The following ARL15 variants were observed in gnomAD, a reference collection of about 807,000 sequenced individuals.
The protein encoded by ARL15 is ADP-ribosylation factor-like protein 15.
A neutral mutation model predicts 25.2 loss-of-function variants in ARL15; 19 were observed. The ratio of observed to expected loss-of-function variants is 0.75; its 90% CI spans 0.53 to 1.10. The LOEUF is 1.10. Ranked by LOEUF, ARL15 falls within the 50% of genes least tolerant of loss-of-function variation. The probability of loss-of-function intolerance (pLI) is 0.00; values close to 1 mark genes in which losing one functional copy is unlikely to be tolerated. For synonymous variants in ARL15, 94 were observed against 86.8 expected, an observed-to-expected ratio of 1.08 and a Z score of -0.46; for missense variants, 220 against 246.0, an observed-to-expected ratio of 0.89 and a Z score of 0.71.
intron 4 of ARL15, among the ~76,000 whole-genome samples, chr5:53,930,661 G>A (rs941406308): frequency 8.6e-5 from 13 of 151,828 alleles, no homozygotes; most frequent in African/African-American, 3.1e-4. Flanking sequence ...GTCGATTCAC[G>A]CACATGCTGA....
chr5:53,907,485 T>TAC (rs1745300930), intron 4 of ARL15, among the ~76,000 whole-genome samples: 5 of 32,460 alleles, frequency 1.5e-4, no homozygotes, highest in African/African-American at 7.3e-4. Context: ...TATATATATA[T>TAC]ATATTTTTTT....
chr5:54,073,075 C>T (rs932243106), intron 4 of ARL15, among the ~76,000 whole-genome samples: 2 of 152,138 alleles, frequency 1.3e-5, no homozygotes, highest in African/African-American at 2.4e-5. Flanking sequence ...GTTATCAAGT[C>T]AGTGATATTT....
chr5:54,007,757 C>T (rs758426356), intron 4 of ARL15, among the ~76,000 whole-genome samples: 9 of 152,178 alleles, frequency 5.9e-5, no homozygotes, highest in Non-Finnish European at 1.2e-4. Flanking sequence ...TCCTTATAGA[C>T]CTTCTTTTTG....
chr5:54,005,597 C>T (rs541261702), intron 4 of ARL15, among the ~76,000 whole-genome samples: 119 of 152,122 alleles, frequency 7.8e-4, no homozygotes, highest in Middle Eastern at 6.8e-3. Flanking sequence ...GGCGCGGTAG[C>T]TCACGCCTGT....
intron 1 of ARL15, among the ~76,000 whole-genome samples, chr5:54,202,121 C>T (rs1490656559): frequency 6.6e-6 from 1 of 152,080 alleles, no homozygotes; most frequent in Non-Finnish European, 1.5e-5. Flanking sequence ...TAACTTATTT[C>T]TTAGGCAAGT....
At chr5:54,160,832 G>A (rs1754382044) in intron 2 of ARL15, among the ~76,000 whole-genome samples, 1 of 152,112 alleles carries the variant, frequency 6.6e-6, no homozygotes, top group Admixed American at 6.5e-5. Context: ...CTTCTCATAT[G>A]TTTTCATTTT....
At chr5:54,228,890 T>G (rs1756595688) in intron 1 of ARL15, among the ~76,000 whole-genome samples, 1 of 152,206 alleles carries the variant, frequency 6.6e-6, no homozygotes, top group African/African-American at 2.4e-5. Context: ...AGTATTACTT[T>G]AAAAGCACCA....
At chr5:54,187,777 G>A (rs549212440) in intron 1 of ARL15, among the ~76,000 whole-genome samples, 5 of 152,334 alleles carry the variant, frequency 3.3e-5, no homozygotes, top group African/African-American at 7.2e-5. Context: ...ATGCCTGGCA[G>A]TTCTTATGTT....
At chr5:54,261,180 C>A (rs1483188323) in intron 1 of ARL15, among the ~76,000 whole-genome samples, 1 of 152,158 alleles carries the variant, frequency 6.6e-6, no homozygotes, top group Non-Finnish European at 1.5e-5. Context: ...GACAGCATTG[C>A]CTGCCACATC....
intron 4 of ARL15, among the ~76,000 whole-genome samples, chr5:54,066,571 C>T (rs1166055131): frequency 6.6e-6 from 1 of 152,056 alleles, no homozygotes; most frequent in Non-Finnish European, 1.5e-5. Context: ...CAAAAATGAG[C>T]AGGTGGGGTG....
chr5:54,196,799 T>C (rs1474387078), intron 1 of ARL15, among the ~76,000 whole-genome samples: 1 of 152,158 alleles, frequency 6.6e-6, no homozygotes. Flanking sequence ...TTTGAGTATA[T>C]TAAACTGAAA....
chr5:54,090,349 T>C (rs1223209492), intron 4 of ARL15, among the ~76,000 whole-genome samples: 6 of 151,770 alleles, frequency 4.0e-5, no homozygotes, highest in Non-Finnish European at 8.8e-5. Flanking sequence ...TCCCAATTTA[T>C]ATAAAGTTAA....
Position 54,129,328 on chromosome 5 carries a change from G to A in ARL15, c.254-15918C>T, listed in dbSNP as rs186834479. 2.3e-3 allele frequency among the ~76,000 whole-genome samples: 354 copies of A among 152,052 alleles called. 2 individuals are homozygous for A. The highest frequency in any genetic ancestry group is 8.4e-3 in the African/African-American group (346 of 41,414). On this transcript the variant is annotated intron_variant, in intron 3 of 4. Transcript: ENST00000504924. ...CTAAAAAGTCCCTCAGGTCCACACA[G>A]AAACCTGGCATAGAAAAAAAAGTGA...
chr5:54,303,064 T>C (rs1758654098), intron 1 of ARL15, among the ~76,000 whole-genome samples: 1 of 152,196 alleles, frequency 6.6e-6, no homozygotes, highest in African/African-American at 2.4e-5. Flanking sequence ...TTCTCTTTAG[T>C]CTACCTTAGA....
chr5:54,253,834 C>T (rs944792173), intron 1 of ARL15, among the ~76,000 whole-genome samples: 9 of 152,192 alleles, frequency 5.9e-5, no homozygotes, highest in African/African-American at 2.2e-4. Context: ...AAGCAACCCT[C>T]CCACCCTGGC....
chr5:53,920,610 A>G (rs1745818716), intron 4 of ARL15, among the ~76,000 whole-genome samples: 1 of 151,580 alleles, frequency 6.6e-6, no homozygotes, highest in African/African-American at 2.4e-5. Flanking sequence ...AGTTTGAGAC[A>G]AGCCTGGGCA....
chr5:54,088,356 G>A (rs971469533), intron 4 of ARL15, among the ~76,000 whole-genome samples: 3 of 152,080 alleles, frequency 2.0e-5, no homozygotes, highest in Non-Finnish European at 4.4e-5. Context: ...AAAATGTGAA[G>A]TAAACGAGTA....
intron 4 of ARL15, among the ~76,000 whole-genome samples, chr5:54,107,485 T>C (rs981177061): frequency 6.6e-6 from 1 of 152,120 alleles, no homozygotes; most frequent in African/African-American, 2.4e-5. Context: ...ATGGGTATCA[T>C]GAAACTTCGA....
At chr5:54,003,665 T>C (rs545468449) in intron 4 of ARL15, among the ~76,000 whole-genome samples, 735 of 4,888 alleles carry the variant, frequency 0.15, 6 homozygotes, top group Middle Eastern at 0.33. Flanking sequence ...ATTTTCTTTC[T>C]ATCTATCTAT....
Sources: gnomAD v4.1 joint callset for allele counts (sites outside exome capture counted in the v4.1 genomes callset) on GRCh38, gnomAD v4.1.1 for gene constraint, MANE v1.5 for transcripts, NCBI Gene and HGNC (gene_info 2026-07-23, HGNC 2026-07-21) for gene names.